The following RDH10 variants were observed in gnomAD, a reference collection of about 807,000 sequenced individuals.
The protein encoded by RDH10 is retinol dehydrogenase 10, also known as retinol dehydrogenase 10 (all-trans).
Under a neutral mutation model 30.2 loss-of-function variants are expected in RDH10, and 12 were observed. The observed-to-expected ratio is 0.40, with a 90% confidence interval of 0.25 to 0.64. The LOEUF (loss-of-function observed/expected upper bound fraction) is 0.64. Ranked by LOEUF, RDH10 falls within the 30% of genes least tolerant of loss-of-function variation. RDH10 has a pLI of 0.43. For synonymous variants in RDH10, 189 were observed against 172.2 expected, an observed-to-expected ratio of 1.10 and a Z score of -0.76; for missense variants, 268 against 445.2, an observed-to-expected ratio of 0.60 and a Z score of 3.58.
At chr8:73,320,493 CAG>C (rs1451500973) in intron 3 of RDH10, among the ~76,000 whole-genome samples, 4 of 141,182 alleles carry the variant, frequency 2.8e-5, no homozygotes, top group East Asian at 2.1e-4. Context: ...TTTTTTGAGA[CAG>C]AGTCTCACTC....
At chr8:73,297,105 A>T in intron 1 of RDH10, 89 bp from the exon 2 acceptor site, 2 of 770,566 alleles carry the variant, frequency 2.6e-6, no homozygotes, top group Admixed American at 2.0e-5. Context: ...GTTTTGTGTG[A>T]TCTTTGTCCT....
chr8:73,313,670 A>G (rs922573277), intron 2 of RDH10, among the ~76,000 whole-genome samples: 1 of 152,166 alleles, frequency 6.6e-6, no homozygotes, highest in Non-Finnish European at 1.5e-5. Context: ...TGTTTCATAT[A>G]TTGGTTACTG....
intron 2 of RDH10, among the ~76,000 whole-genome samples, chr8:73,305,355 G>A (rs1329852906): frequency 6.6e-6 from 1 of 152,208 alleles, no homozygotes; most frequent in African/African-American, 2.4e-5. Flanking sequence ...AGCCTCACCT[G>A]AGAGTTAGAT....
At chr8:73,297,553 C>T (rs1018607437) in intron 2 of RDH10, 124 bp downstream of exon 2, 35 of 702,608 alleles carry the variant, frequency 5.0e-5, no homozygotes, top group African/African-American at 8.7e-5. Flanking sequence ...CTCCTTAGCT[C>T]TTCCCTATGG....
Position 73,296,977 on chromosome 8 carries a change from A to G in RDH10, c.290-217A>G, listed in dbSNP as rs897908334. ...CAATTACATGACTTTCCCCTAAGCA[A>G]AGTTATCCAGTAAATTGCTGTAATT... is the stretch of plus-strand genomic sequence containing the variant. On this transcript the variant is annotated intron_variant, in intron 1 of 5. Coordinates refer to ENST00000240285, the MANE Select transcript of RDH10 (RefSeq NM_172037.5). 2.3e-5 allele frequency: 12 copies of G among 522,708 alleles called. No homozygotes were observed. In the East Asian group the frequency reaches 2.7e-4, roughly 12 times the overall value. The allele number at this position is 522,708 out of a possible 1,614,324, so 32.4% of individuals were successfully genotyped here.
Position 73,322,824 on chromosome 8 carries a change from G to A in RDH10, c.902+14G>A, listed in dbSNP as rs1228072465. ...CTTCATGAAGAGGTAACTGGGAGGG[G>A]TTCCCTCACTGACTGGGTCTCTCCA... On this transcript the variant is annotated intron_variant, in intron 5 of 5. Transcript: ENST00000240285. The A allele has an allele frequency of 1.2e-6, 2 of 1,614,022 alleles. No homozygotes were observed. Among genetic ancestry groups the A allele is most frequent in the Non-Finnish European group, 1.7e-6 (2 of 1,180,020 alleles).
At chr8:73,318,112 T>C (rs540832429) in intron 2 of RDH10, among the ~76,000 whole-genome samples, 2 of 152,280 alleles carry the variant, frequency 1.3e-5, no homozygotes, top group African/African-American at 4.8e-5. Flanking sequence ...AGGAGATAAC[T>C]CAGCAGTAGA....
At position 73,294,984 on chromosome 8, in the gene RDH10, G is replaced by C. The variant is rs1814228531; in HGVS notation, c.-306G>C. On this transcript the variant is annotated 5_prime_UTR_variant, in exon 1 of 6. Transcript: ENST00000240285. Reference sequence around the variant, plus strand: ...ACTCGCGGCTGTCACCGCCACTGCAGCGGAGCCGGCCGGCCGGGCGCTGCG... The same window carrying C: ...ACTCGCGGCTGTCACCGCCACTGCACCGGAGCCGGCCGGCCGGGCGCTGCG... 2.6e-6 allele frequency: 1 copy of C among 387,178 alleles called. No individual in the cohort carries two copies. Among genetic ancestry groups the C allele is most frequent in the East Asian group, 3.7e-5 (1 of 27,266 alleles). The allele number at this position is 387,178 out of a possible 1,614,324, so 24.0% of individuals were successfully genotyped here. A position where few individuals can be genotyped will look rare whatever the true frequency, so the allele number is the denominator to read the frequency against.
intron 2 of RDH10, among the ~76,000 whole-genome samples, chr8:73,317,640 G>C (rs1814696251): frequency 6.6e-6 from 1 of 152,164 alleles, no homozygotes; most frequent in Middle Eastern, 3.2e-3. Flanking sequence ...ATTAGATAAG[G>C]CCAAGGGCAG....
chr8:73,302,421 C>G (rs1390675865), intron 2 of RDH10, among the ~76,000 whole-genome samples: 4 of 152,214 alleles, frequency 2.6e-5, no homozygotes, highest in African/African-American at 9.6e-5. Context: ...TGCAGTGACT[C>G]AAGCCTGTAA....
rs141897216 is a variant in RDH10, at chr8:73,308,918, G to A, written c.526-10178G>A. Among the ~76,000 whole-genome samples the A allele has an allele frequency of 3.4e-3, 514 of 152,206 alleles. 5 individuals are homozygous for A. Among genetic ancestry groups the A allele is most frequent in the African/African-American group, 0.012 (492 of 41,520 alleles). On this transcript the variant is annotated intron_variant, in intron 2 of 5. Transcript: ENST00000240285. ...AGGCTCACTCTAGAACCTTCTTCTC[G>A]GCTTGTAGTCCCGAGCAGCCACAGC...
chr8:73,323,336 A>C lies in RDH10; in HGVS notation c.*300A>C. 1 of 262,974 alleles carries C rather than the reference A, an allele frequency of 3.8e-6. No individual in the cohort carries two copies. The highest frequency in any genetic ancestry group is 7.6e-6 in the Non-Finnish European group (1 of 131,548). The allele number at this position is 262,974 out of a possible 1,614,324, so 16.3% of individuals were successfully genotyped here. The stretch of plus-strand genomic sequence containing the variant: ...TACCATTATTTTTTAATGAGCAGGA[A>C]GTCTAGAAATGATAACTAGACTGTA... On this transcript the variant is annotated 3_prime_UTR_variant, in exon 6 of 6. Coordinates refer to ENST00000240285, the MANE Select transcript of RDH10 (RefSeq NM_172037.5).
At chr8:73,296,952 C>T in intron 1 of RDH10, 1 of 467,946 alleles carries the variant, frequency 2.1e-6, no homozygotes, top group East Asian at 4.1e-5. Context: ...GGGCTTGTCA[C>T]AATTACATGA....
In RDH10 at chr8:73,294,637, C is replaced by T. The variant is rs1365307640; in HGVS notation, c.-653C>T. 4 of 329,532 alleles carry T rather than the reference C, an allele frequency of 1.2e-5. No individual in the cohort carries two copies. Among genetic ancestry groups the T allele is most frequent in the Admixed American group, 9.8e-5 (2 of 20,452 alleles). The allele number at this position is 329,532 out of a possible 1,614,324, so 20.4% of individuals were successfully genotyped here. ...CGGAGCGCTCTGACTTGCAAGCGGG[C>T]TGCGCTGCGGAGCCCAGTGCCCGAG... On this transcript the variant is annotated 5_prime_UTR_variant, in exon 1 of 6. Transcript: ENST00000240285.
chr8:73,320,453 T>G (rs989211976), intron 3 of RDH10, among the ~76,000 whole-genome samples: 6 of 125,172 alleles, frequency 4.8e-5, no homozygotes, highest in African/African-American at 2.1e-4. Context: ...TTTTTTTTGT[T>G]TTTGTTTTTG....
chr8:73,300,615 A>G (rs1408730023), intron 2 of RDH10, among the ~76,000 whole-genome samples: 1 of 152,230 alleles, frequency 6.6e-6, no homozygotes, highest in African/African-American at 2.4e-5. Flanking sequence ...CTGTATTTCA[A>G]CAAGTAGTAT....
At chr8:73,295,756 C>T (rs1484257687) in intron 1 of RDH10, 178 bp downstream of exon 1, 2 of 917,704 alleles carry the variant, frequency 2.2e-6, no homozygotes, top group Admixed American at 3.7e-5. Flanking sequence ...GCGATCACTT[C>T]TGTATTACCA....
chr8:73,303,618 T>C (rs143881492), intron 2 of RDH10, among the ~76,000 whole-genome samples: 48 of 152,378 alleles, frequency 3.2e-4, no homozygotes, highest in African/African-American at 9.9e-4. Context: ...TTCAATGTCT[T>C]AAACAGAGTT....
intron 2 of RDH10, among the ~76,000 whole-genome samples, chr8:73,316,102 G>C (rs181557673): frequency 6.6e-6 from 1 of 152,036 alleles, no homozygotes; most frequent in Non-Finnish European, 1.5e-5. Flanking sequence ...CTGTAGCCTC[G>C]ACCTCCTGGG....
Sources: gnomAD v4.1 joint callset for allele counts (sites outside exome capture counted in the v4.1 genomes callset) on GRCh38, gnomAD v4.1.1 for gene constraint, MANE v1.5 for transcripts, NCBI Gene and HGNC (gene_info 2026-07-23, HGNC 2026-07-21) for gene names.